Variants in URB2 observed in about 807,000 individuals in gnomAD.
The protein encoded by URB2 is URB2 ribosome biogenesis homolog, also known as unhealthy ribosome biogenesis protein 2 homolog.
Under a neutral mutation model 120.9 loss-of-function variants are expected in URB2, and 86 were observed. The observed-to-expected ratio is 0.71, with a 90% CI of 0.60 to 0.85. URB2 has a LOEUF of 0.85. Ranked by LOEUF, URB2 falls within the 40% of genes least tolerant of loss-of-function variation. The pLI is 0.00. For missense variants in URB2, 1,765 were observed against 1,836.5 expected (o/e 0.96, Z 0.71); for synonymous variants, 755 against 758.4 (o/e 1.00, Z 0.07).
Position 229,636,815 on chromosome 1 carries a change from A to T in URB2, c.2202A>T (p.Thr734=). The T allele has an allele frequency of 6.2e-7, 1 of 1,613,078 alleles. No individual in the cohort carries two copies. Among genetic ancestry groups the T allele is most frequent in the African/African-American group, 1.3e-5 (1 of 75,036 alleles). ...AAGTTGGGATGGTGAGTGGACTCAC[A>T]TACCCTGTAGCACACTGGCACTTGA... The part of the protein sequence containing the change: ...DGQVGMVSGL[T]YPVAHWHLIV... Residue 734 remains threonine (T), a synonymous_variant, in exon 4 of 10, where the codon ACA becomes ACT. Coordinates refer to ENST00000258243, the MANE Select transcript of URB2 (RefSeq NM_014777.4).
chr1:229,644,506 G>GGGGAA (rs1413842849), intron 5 of URB2, among the ~76,000 whole-genome samples: 2 of 152,214 alleles, frequency 1.3e-5, no homozygotes, highest in African/African-American at 4.8e-5. Flanking sequence ...GCAGAGGTGA[G>GGGGAA]GGGAAGGGAG....
In URB2 at chr1:229,645,918, GAA is replaced by G; in HGVS notation, c.3857_3858del (p.Lys1286SerfsTer97). ...LLLNCPLSGE[K>X]ASLLWRACPQ... ...TACTGAACTGCCCACTCAGTGGAGA[GAA>G]AGCAAGTCTGTTGTGGCGTGCGTGT... is the stretch of plus-strand genomic sequence containing the variant. On this transcript the variant is annotated frameshift_variant, in exon 6 of 10. Coordinates refer to ENST00000258243, the MANE Select transcript of URB2 (RefSeq NM_014777.4). LOFTEE classifies it high-confidence loss of function. 6.2e-7 allele frequency: 1 copy of G among 1,614,230 alleles called. No individual in the cohort carries two copies.
rs535197034 is a variant in URB2, at chr1:229,636,550, C to T, written c.1937C>T (p.Ser646Leu). The change falls in exon 4 of 10, where the codon TCG (serine) becomes TTG (leucine). Residue 646 changes from serine (S) to leucine (L), a missense_variant. Physicochemically the swap from Ser to Leu is moderately radical, Grantham distance 145 (BLOSUM62 -2). Coordinates refer to ENST00000258243, the MANE Select transcript of URB2 (RefSeq NM_014777.4). ...GCTCTGGAGATCTCGAACCTCCCTT[C>T]GTTGCTCCCAGGTGTAAAAACACAG... ...GVALEISNLP[S>L]LLPGVKTQHW... The T allele has an allele frequency of 3.2e-5, 51 of 1,614,164 alleles. No homozygotes were observed. The highest frequency in any genetic ancestry group is 6.7e-5 in the East Asian group (3 of 44,892).
Position 229,647,567 on chromosome 1 carries a change from G to T in URB2, c.3964G>T (p.Val1322Phe). 6.2e-7 allele frequency: 1 copy of T among 1,614,208 alleles called. No homozygotes were observed. The highest frequency in any genetic ancestry group is 8.5e-7 in the Non-Finnish European group (1 of 1,180,042). ...QPVSLTVVGPVLDVLAALLRQ... is the reference protein window; with the variant it reads ...QPVSLTVVGPFLDVLAALLRQ... ...TGTGTCCCTCACAGTGGTCGGGCCT[G>T]TCTTAGATGTCCTGGCTGCACTGCT... The change falls in exon 7 of 10, where the codon GTC becomes TTC. Residue 1322 changes from valine (V) to phenylalanine (F), a missense_variant. By Grantham distance (50) the Val-to-Phe change is conservative. Transcript: ENST00000258243.
chr1:229,632,044 T>C lies in URB2; in HGVS notation c.127-225T>C, dbSNP rs189656220. Among the ~76,000 whole-genome samples, 3 of 152,348 alleles carry C rather than the reference T, an allele frequency of 2.0e-5. No individual in the cohort carries two copies. In the East Asian group the frequency reaches 5.8e-4, roughly 29 times the overall value. ...CCTGAAACTTTTAATTTGCCCTAGCTGAAGACAAATTTGTTGTTTTCCTGT... is the reference window on the plus strand; with the variant it reads ...CCTGAAACTTTTAATTTGCCCTAGCCGAAGACAAATTTGTTGTTTTCCTGT... On this transcript the variant is annotated intron_variant, in intron 2 of 9. Coordinates refer to ENST00000258243, the MANE Select transcript of URB2 (RefSeq NM_014777.4).
rs377673575 is a variant in URB2 at position 229,636,378 on chromosome 1, G to A, written c.1765G>A (p.Asp589Asn). The change falls in exon 4 of 10, where the codon GAC (aspartate) becomes AAC (asparagine). Residue 589 changes from aspartate (D) to asparagine (N), a missense_variant. Coordinates refer to ENST00000258243, the MANE Select transcript of URB2 (RefSeq NM_014777.4). The stretch of plus-strand genomic sequence containing the variant: ...GCAGCCCCTGCTGGCCCTTCTCCCG[G>A]ACACCCCAGGCCCAGAGCCAGAGCT... ...LVQPLLALLP[D>N]TPGPEPELWL... The A allele has an allele frequency of 1.4e-5, 22 of 1,614,108 alleles. No individual in the cohort carries two copies. Among genetic ancestry groups the A allele is most frequent in the Non-Finnish European group, 1.9e-5 (22 of 1,180,044 alleles).
intron 7 of URB2, among the ~76,000 whole-genome samples, chr1:229,650,408 A>G (rs1025589987): frequency 6.6e-5 from 10 of 152,060 alleles, no homozygotes; most frequent in African/African-American, 1.9e-4. Context: ...ACTATAAAAG[A>G]GGCATGTTTT....
chr1:229,652,674 T>A (rs1359139699), intron 8 of URB2, among the ~76,000 whole-genome samples: 7 of 152,240 alleles, frequency 4.6e-5, no homozygotes, highest in African/African-American at 1.2e-4. Flanking sequence ...TGGTGGTGGC[T>A]GCCTACAGTT....
rs776258757 is a variant in URB2 at position 229,636,015 on chromosome 1, C to T, written c.1402C>T (p.Arg468Trp). Residue 468 changes from arginine to tryptophan, a missense_variant, in exon 4 of 10, where the codon CGG (arginine) becomes TGG (tryptophan). Transcript: ENST00000258243. ...QTYAKLRQVP[R>W]LFEEVLGVIC... ...TTATGCCAAACTCCGACAAGTGCCA[C>T]GGTTGTTTGAAGAGGTTTTGGGGGT... 1.9e-5 allele frequency: 30 copies of T among 1,613,606 alleles called. No individual in the cohort carries two copies. The highest frequency in any genetic ancestry group is 2.4e-5 in the Non-Finnish European group (28 of 1,179,636).
At position 229,647,660 on chromosome 1, in the gene URB2, G is replaced by C; in HGVS notation, c.4057G>C (p.Val1353Leu). ...CCTGGCCTTCAGCATCCTTCTCACT[G>C]TCCCTTTGGACCATCTGAAGCCGCT... ...VSLAFSILLT[V>L]PLDHLKPLEY... The change falls in exon 7 of 10, where the codon GTC becomes CTC. Residue 1353 changes from valine to leucine, a missense_variant. Val to Leu is a conservative substitution (Grantham distance 32). Transcript: ENST00000258243. 1 of 1,614,088 alleles carries C rather than the reference G, an allele frequency of 6.2e-7. No individual in the cohort carries two copies. Among genetic ancestry groups the C allele is most frequent in the South Asian group, 1.1e-5 (1 of 91,074 alleles).
chr1:229,627,206 G>C (rs1665513657), intron 1 of URB2, among the ~76,000 whole-genome samples: 1 of 152,176 alleles, frequency 6.6e-6, no homozygotes. Context: ...TTTTCACTTG[G>C]AGACATATTA....
intron 9 of URB2, among the ~76,000 whole-genome samples, chr1:229,655,078 T>C (rs2102801177): frequency 6.6e-6 from 1 of 152,326 alleles, no homozygotes; most frequent in Admixed American, 6.5e-5. Flanking sequence ...TCTGGCGGTG[T>C]GTCACTCATG....
At chr1:229,646,552 C>G (rs1406027216) in intron 6 of URB2, among the ~76,000 whole-genome samples, 1 of 152,136 alleles carries the variant, frequency 6.6e-6, no homozygotes, top group East Asian at 1.9e-4. Flanking sequence ...GTTTAATGCA[C>G]TCATTTATTT....
intron 4 of URB2, among the ~76,000 whole-genome samples, chr1:229,638,896 C>CT (rs1278218063): frequency 6.6e-6 from 1 of 152,188 alleles, no homozygotes; most frequent in African/African-American, 2.4e-5. Context: ...GCTTTTTAGC[C>CT]TTTAACTTGT....
At chr1:229,626,466 T>G (rs958325932) in intron 1 of URB2, 110 bp downstream of exon 1, 2 of 152,680 alleles carry the variant, frequency 1.3e-5, no homozygotes, top group African/African-American at 2.4e-5. Flanking sequence ...CGGGCCCAGA[T>G]GGGGGGCCCC....
rs1050550412 is a variant in URB2, at chr1:229,654,858, A to C, written c.4377+470A>C. 2.0e-5 allele frequency among the ~76,000 whole-genome samples: 3 copies of C among 152,362 alleles called. No individual in the cohort carries two copies. In the Middle Eastern group the frequency reaches 0.01, roughly 518 times the overall value. On this transcript the variant is annotated intron_variant, in intron 9 of 9. Coordinates refer to ENST00000258243, the MANE Select transcript of URB2 (RefSeq NM_014777.4). ...CAGAGGGCTCAGTGGTGCCTTGTACACAGAAAATGCTCGATTATCTGTCTT... is the reference window on the plus strand; with the variant it reads ...CAGAGGGCTCAGTGGTGCCTTGTACCCAGAAAATGCTCGATTATCTGTCTT...
chr1:229,651,881 TA>T (rs1446081350), intron 8 of URB2, among the ~76,000 whole-genome samples: 1 of 152,202 alleles, frequency 6.6e-6, no homozygotes, highest in Non-Finnish European at 1.5e-5. Flanking sequence ...GGGAGACTTT[TA>T]TTATTTTAAA....
chr1:229,626,665 C>G (rs1346890828), intron 1 of URB2, among the ~76,000 whole-genome samples: 1 of 152,234 alleles, frequency 6.6e-6, no homozygotes, highest in African/African-American at 2.4e-5. Flanking sequence ...TCGCATTGCC[C>G]GGTAAGGGCG....
intron 6 of URB2, among the ~76,000 whole-genome samples, chr1:229,646,976 T>C (rs1376127352): frequency 6.6e-6 from 1 of 152,210 alleles, no homozygotes; most frequent in Non-Finnish European, 1.5e-5. Context: ...TCCGTGTTGG[T>C]GGATGGCAGG....
Sources: allele counts gnomAD v4.1 joint callset (sites outside exome capture counted in the v4.1 genomes callset), GRCh38; gene constraint gnomAD v4.1.1; transcripts MANE v1.5; gene names NCBI Gene and HGNC (gene_info 2026-07-23, HGNC 2026-07-21).